The following FHIT variants were observed in gnomAD, a reference collection of about 807,000 sequenced individuals.
The protein encoded by FHIT is fragile histidine triad diadenosine triphosphatase.
A neutral mutation model predicts 17.9 loss-of-function variants in FHIT; 19 were observed. The observed-to-expected ratio is 1.06, with a 90% confidence interval of 0.74 to 1.56. The LOEUF (loss-of-function observed/expected upper bound fraction) is 1.56. Ranked by LOEUF, FHIT falls within the 40% of genes most tolerant of loss-of-function variation. The pLI, the probability that FHIT is intolerant of heterozygous loss-of-function variation, is 0.00. For missense variants in FHIT, 248 were observed against 189.2 expected (o/e 1.31, Z -1.82); for synonymous variants, 81 against 69.7 (o/e 1.16, Z -0.81).
chr3:60,387,937 C>G (rs1701074630), intron 5 of FHIT, among the ~76,000 whole-genome samples: 2 of 152,004 alleles, frequency 1.3e-5, no homozygotes, highest in Non-Finnish European at 2.9e-5. Context: ...CCTCTTAGTT[C>G]CTTCAGAACT....
intron 2 of FHIT, among the ~76,000 whole-genome samples, chr3:61,118,205 T>C (rs2036356615): frequency 6.6e-6 from 1 of 152,212 alleles, no homozygotes; most frequent in Non-Finnish European, 1.5e-5. Context: ...ATAAGGCTCA[T>C]TAAGTCGCTG....
chr3:60,335,128 A>C (rs1710172231), intron 5 of FHIT, among the ~76,000 whole-genome samples: 1 of 152,240 alleles, frequency 6.6e-6, no homozygotes, highest in African/African-American at 2.4e-5. Context: ...GGACATTCAC[A>C]CAAGATAATC....
intron 1 of FHIT, chr3:61,244,111 G>C (rs946298867): frequency 6.6e-5 from 10 of 152,124 alleles, no homozygotes; most frequent in African/African-American, 1.4e-4. Context: ...TGTGTTATTA[G>C]AATCAGTGGT....
intron 5 of FHIT, among the ~76,000 whole-genome samples, chr3:60,307,176 G>A (rs1393759538): frequency 6.6e-6 from 1 of 152,076 alleles, no homozygotes; most frequent in Non-Finnish European, 1.5e-5. Context: ...CAGAGGAGGA[G>A]GCAGTACAGC....
chr3:60,384,033 G>A (rs978471859), intron 5 of FHIT, among the ~76,000 whole-genome samples: 5 of 152,124 alleles, frequency 3.3e-5, no homozygotes, highest in Non-Finnish European at 5.9e-5. Flanking sequence ...ACTTTGGGAG[G>A]CCGAGGTGGG....
At chr3:60,079,419 A>T (rs897817402) in intron 5 of FHIT, among the ~76,000 whole-genome samples, 1 of 151,720 alleles carries the variant, frequency 6.6e-6, no homozygotes, top group African/African-American at 2.4e-5. Flanking sequence ...AAGAGGGGTT[A>T]TTTTTTTTAC....
intron 4 of FHIT, among the ~76,000 whole-genome samples, chr3:60,794,096 C>T (rs1700888488): frequency 6.6e-6 from 1 of 151,856 alleles, no homozygotes; most frequent in Admixed American, 6.6e-5. Flanking sequence ...ACCTTCCACT[C>T]ACCCTTCACC....
intron 3 of FHIT, among the ~76,000 whole-genome samples, chr3:61,035,488 A>G (rs924276315): frequency 2.4e-4 from 36 of 152,194 alleles, no homozygotes; most frequent in Non-Finnish European, 1.5e-5. Context: ...CCTCTTGTGC[A>G]CAAGTTAGTC....
At chr3:60,951,646 G>T (rs1053701280) in intron 3 of FHIT, among the ~76,000 whole-genome samples, 44 of 152,142 alleles carry the variant, frequency 2.9e-4, no homozygotes, top group African/African-American at 1.0e-3. Flanking sequence ...AGTGCAGCTT[G>T]CTACCAGCAC....
chr3:60,077,119 T>C lies in FHIT; in HGVS notation c.104-62967A>G, dbSNP rs1412493899. On this transcript the variant is annotated intron_variant, in intron 5 of 9. Coordinates refer to ENST00000492590, the MANE Select transcript of FHIT (RefSeq NM_002012.4). Reference sequence around the variant, plus strand: ...CAAAAGAGAAGTGTTGCTGAAAATATTGACAATTAAAAATCATTCAAGGAC... The same window carrying C: ...CAAAAGAGAAGTGTTGCTGAAAATACTGACAATTAAAAATCATTCAAGGAC... Among the ~76,000 whole-genome samples the C allele has an allele frequency of 5.3e-5, 8 of 152,152 alleles. No individual in the cohort carries two copies. The South Asian group carries it at 8.3e-4, about 16-fold the overall frequency.
At chr3:60,828,464 A>G (rs1482027099) in intron 3 of FHIT, among the ~76,000 whole-genome samples, 1 of 152,158 alleles carries the variant, frequency 6.6e-6, no homozygotes, top group Non-Finnish European at 1.5e-5. Context: ...TGCCAGGCAC[A>G]TATGCTAGGG....
rs1468228888 is a variant in FHIT, at chr3:60,230,960, C to G, written c.104-216808G>C. ...TTTTGGCCTCAAGTGATCTGCCCTC[C>G]TTGACCTCCCAAAGTGATTACAGGC... On this transcript the variant is annotated intron_variant, in intron 5 of 9. Transcript: ENST00000492590. Among the ~76,000 whole-genome samples the G allele has an allele frequency of 2.6e-5, 4 of 152,228 alleles. No homozygotes were observed. The East Asian group carries it at 7.7e-4, about 29-fold the overall frequency.
chr3:59,950,180 A>T (rs372897085), intron 7 of FHIT, among the ~76,000 whole-genome samples: 2 of 152,206 alleles, frequency 1.3e-5, no homozygotes, highest in Non-Finnish European at 2.9e-5. Flanking sequence ...GCAATAACAG[A>T]GGCAAATCTC....
chr3:60,862,358 C>A (rs115134248), intron 3 of FHIT, among the ~76,000 whole-genome samples: 3 of 151,770 alleles, frequency 2.0e-5, no homozygotes, highest in Admixed American at 6.6e-5. Flanking sequence ...TATAGAGACG[C>A]GGTCTCACTT....
intron 4 of FHIT, among the ~76,000 whole-genome samples, chr3:60,781,308 T>C (rs1178480619): frequency 2.6e-5 from 4 of 152,172 alleles, no homozygotes; most frequent in African/African-American, 7.2e-5. Context: ...AAAACTATGC[T>C]ATACTGGGAA....
chr3:60,701,997 GC>G (rs1357328124), intron 4 of FHIT, among the ~76,000 whole-genome samples: 2 of 152,056 alleles, frequency 1.3e-5, no homozygotes, highest in Non-Finnish European at 2.9e-5. Context: ...TATAATTTTT[GC>G]CAAGGTGGTT....
chr3:61,225,735 T>C (rs1333321196), intron 1 of FHIT, among the ~76,000 whole-genome samples: 1 of 152,236 alleles, frequency 6.6e-6, no homozygotes, highest in Non-Finnish European at 1.5e-5. Flanking sequence ...ATTTTAAAGC[T>C]ATCTCAAAAT....
At chr3:60,280,064 AAAC>A (rs1293773923) in intron 5 of FHIT, among the ~76,000 whole-genome samples, 1 of 151,614 alleles carries the variant, frequency 6.6e-6, no homozygotes, top group African/African-American at 2.4e-5. Context: ...GAAGAAAACC[AAAC>A]AACAAAAAAA....
chr3:60,540,366 G>C (rs1277672670), intron 4 of FHIT, among the ~76,000 whole-genome samples: 2 of 152,198 alleles, frequency 1.3e-5, no homozygotes, highest in Non-Finnish European at 2.9e-5. Context: ...TCAAAGAAGG[G>C]ACCATGGGGT....
Sources: gnomAD v4.1 joint callset for allele counts (sites outside exome capture counted in the v4.1 genomes callset) on GRCh38, gnomAD v4.1.1 for gene constraint, MANE v1.5 for transcripts, NCBI Gene and HGNC (gene_info 2026-07-23, HGNC 2026-07-21) for gene names.